Variants in VPS13B observed in about 807,000 individuals in gnomAD.
VPS13B encodes vacuolar protein sorting 13 homolog B.
Under a neutral mutation model 426.4 loss-of-function variants are expected in VPS13B, and 285 were observed. That is an observed-to-expected ratio of 0.67 (90% CI 0.61 to 0.74). VPS13B has a LOEUF of 0.74. Among genes scored for constraint, VPS13B ranks in the 30% least tolerant of loss-of-function variants. VPS13B has a pLI of 0.00. For synonymous variants in VPS13B, 1,676 were observed against 1,676.4 expected, an observed-to-expected ratio of 1.00 and a Z score of 0.01; for missense variants, 4,537 against 4,782.6, an observed-to-expected ratio of 0.95 and a Z score of 1.51.
At position 99,578,785 on chromosome 8, in the gene VPS13B, C is replaced by T. The variant is rs542108032; in HGVS notation, c.5220+1152C>T. On this transcript the variant is annotated intron_variant, in intron 33 of 61. Transcript: ENST00000357162. Reference sequence around the variant, plus strand: ...ATTTGTGCCAATTTTATAAATGTCTCCTGTCAAAGAAATCTAACTCTCAGA... The same window carrying T: ...ATTTGTGCCAATTTTATAAATGTCTTCTGTCAAAGAAATCTAACTCTCAGA... Among the ~76,000 whole-genome samples the T allele has an allele frequency of 5.3e-5, 8 of 152,234 alleles. No homozygotes were observed. The East Asian group carries it at 1.5e-3, about 29-fold the overall frequency.
chr8:99,022,050 A>G (rs1841921843), intron 2 of VPS13B, among the ~76,000 whole-genome samples: 2 of 151,944 alleles, frequency 1.3e-5, no homozygotes, highest in African/African-American at 2.4e-5. Flanking sequence ...TTTTATTAAT[A>G]TTTTCAAAGA....
At chr8:99,295,541 A>G (rs1819985430) in intron 19 of VPS13B, among the ~76,000 whole-genome samples, 1 of 152,226 alleles carries the variant, frequency 6.6e-6, no homozygotes, top group Admixed American at 6.5e-5. Context: ...ATTGAACACT[A>G]TAGCTTAGCC....
chr8:99,675,102 A>G (rs1830876336), intron 35 of VPS13B, among the ~76,000 whole-genome samples: 1 of 151,954 alleles, frequency 6.6e-6, no homozygotes, highest in African/African-American at 2.4e-5. Context: ...ACTCCTTAGC[A>G]TTTATTGTAA....
intron 19 of VPS13B, among the ~76,000 whole-genome samples, chr8:99,354,266 C>CTTTTGTTTTTTTTTTTTTT (rs1812059103): frequency 4.5e-5 from 1 of 22,172 alleles, no homozygotes; most frequent in African/African-American, 1.5e-4. Context: ...CTCCCCCTGC[C>CTTTTGTTTTTTTTTTTTTT]TTTTTTTTTT....
chr8:99,738,284 C>A (rs912026323), intron 39 of VPS13B, among the ~76,000 whole-genome samples: 66 of 152,190 alleles, frequency 4.3e-4, no homozygotes, highest in Non-Finnish European at 7.4e-4. Flanking sequence ...TATCATGACA[C>A]CTTTTTTGTT....
intron 33 of VPS13B, among the ~76,000 whole-genome samples, chr8:99,597,492 CA>C (rs2037807576): frequency 2.0e-5 from 3 of 152,024 alleles, no homozygotes; most frequent in Admixed American, 2.0e-4. Context: ...GTCTTGATGA[CA>C]TCATCTGATT....
At chr8:99,110,594 T>G (rs926903970) in intron 5 of VPS13B, among the ~76,000 whole-genome samples, 2 of 151,904 alleles carry the variant, frequency 1.3e-5, no homozygotes, top group Admixed American at 6.5e-5. Flanking sequence ...TTAATTTTTA[T>G]TTTTATATAA....
intron 20 of VPS13B, among the ~76,000 whole-genome samples, chr8:99,389,361 A>G (rs959406254): frequency 6.6e-6 from 1 of 152,100 alleles, no homozygotes. Flanking sequence ...TACTTATTAT[A>G]TAGTTGACCC....
intron 19 of VPS13B, among the ~76,000 whole-genome samples, chr8:99,360,887 A>C (rs1431197286): frequency 6.6e-6 from 1 of 152,148 alleles, no homozygotes; most frequent in Non-Finnish European, 1.5e-5. Context: ...GATTTCTATA[A>C]ATAAAATATT....
At chr8:99,727,481 A>G (rs1264451977) in intron 39 of VPS13B, among the ~76,000 whole-genome samples, 1 of 152,212 alleles carries the variant, frequency 6.6e-6, no homozygotes, top group Non-Finnish European at 1.5e-5. Context: ...ACAGTTCCAC[A>G]TGGCTGGGGA....
intron 17 of VPS13B, among the ~76,000 whole-genome samples, chr8:99,225,397 C>T (rs1815961987): frequency 6.6e-6 from 1 of 152,040 alleles, no homozygotes; most frequent in Non-Finnish European, 1.5e-5. Context: ...CTGCCTCAGC[C>T]TCCCGAGTAG....
At position 99,115,731 on chromosome 8, in the gene VPS13B, C is replaced by G; in HGVS notation, c.794C>G (p.Ser265Cys). 1.2e-6 allele frequency: 2 copies of G among 1,613,164 alleles called. No homozygotes were observed. Among genetic ancestry groups the G allele is most frequent in the Non-Finnish European group, 1.7e-6 (2 of 1,179,592 alleles). Residue 265 changes from serine to cysteine, a missense_variant, in exon 7 of 62, where the codon TCT (serine) becomes TGT (cysteine). Transcript: ENST00000357162. Reference sequence around the variant, plus strand: ...ACTTTAGTGGAAAGTTTGAAACTTTCTATCACAGATCAACAACTGCCTATG... The same window carrying G: ...ACTTTAGTGGAAAGTTTGAAACTTTGTATCACAGATCAACAACTGCCTATG... ...IHTLVESLKL[S>C]ITDQQLPMFI...
chr8:99,605,736 C>A (rs1374876236), intron 33 of VPS13B, among the ~76,000 whole-genome samples: 1 of 152,174 alleles, frequency 6.6e-6, no homozygotes, highest in Non-Finnish European at 1.5e-5. Context: ...TTGCTTTTAG[C>A]ATTCTCCAGG....
At chr8:99,607,294 G>A (rs144808811) in intron 33 of VPS13B, among the ~76,000 whole-genome samples, 2 of 152,302 alleles carry the variant, frequency 1.3e-5, no homozygotes, top group Admixed American at 6.5e-5. Flanking sequence ...CATTGGTCTA[G>A]AGAGATAATC....
At chr8:99,234,581 T>G (rs1816538162) in intron 17 of VPS13B, 16 of 412,648 alleles carry the variant, frequency 3.9e-5, no homozygotes, top group South Asian at 3.1e-4. Flanking sequence ...GCAGAGCTTG[T>G]GCTGGCGAGA....
chr8:99,498,778 G>T (rs1350963287), intron 25 of VPS13B, among the ~76,000 whole-genome samples: 1 of 152,032 alleles, frequency 6.6e-6, no homozygotes, highest in East Asian at 1.9e-4. Context: ...TGAGTTTGAA[G>T]CTTAAGTACT....
chr8:99,300,225 A>G (rs1358477433), intron 19 of VPS13B, among the ~76,000 whole-genome samples: 2 of 151,768 alleles, frequency 1.3e-5, no homozygotes, highest in South Asian at 2.1e-4. Context: ...TTGGGAAGCC[A>G]TCTATTGTCT....
chr8:99,829,153 C>T (rs889441476), intron 51 of VPS13B, among the ~76,000 whole-genome samples: 5 of 152,188 alleles, frequency 3.3e-5, no homozygotes, highest in East Asian at 3.9e-4. Context: ...GCCTGTCTTG[C>T]TGGGTTGGGG....
At chr8:99,680,855 C>G (rs1449783) in intron 35 of VPS13B, among the ~76,000 whole-genome samples, 1 of 152,156 alleles carries the variant, frequency 6.6e-6, no homozygotes, top group African/African-American at 2.4e-5. Flanking sequence ...TTCTTTATAG[C>G]TCCCCCTGTG....
Sources: gnomAD v4.1 joint callset for allele counts (sites outside exome capture counted in the v4.1 genomes callset) on GRCh38, gnomAD v4.1.1 for gene constraint, MANE v1.5 for transcripts, NCBI Gene and HGNC (gene_info 2026-07-23, HGNC 2026-07-21) for gene names.